C9: variants seen among roughly 807,000 people sequenced by gnomAD.
The protein encoded by C9 is complement component C9.
Under a neutral mutation model 65.4 loss-of-function variants are expected in C9, and 63 were observed. The ratio of observed to expected loss-of-function variants is 0.96; its 90% confidence interval spans 0.79 to 1.19. The LOEUF (loss-of-function observed/expected upper bound fraction) is 1.19. Among genes scored for constraint, C9 ranks in the 50% most tolerant of loss-of-function variants. The probability of loss-of-function intolerance (pLI) is 0.00; values close to 1 mark genes in which losing one functional copy is unlikely to be tolerated. For synonymous variants in C9, 229 were observed against 227.9 expected, an observed-to-expected ratio of 1.00 and a Z score of -0.04; for missense variants, 744 against 670.1, an observed-to-expected ratio of 1.11 and a Z score of -1.22.
chr5:39,331,690 A>T lies in C9; in HGVS notation c.601T>A (p.Ser201Thr). The change falls in exon 5 of 11, where the codon TCT becomes ACT. Residue 201 changes from serine to threonine, a missense_variant. Ser to Thr is a moderately conservative substitution (Grantham distance 58). Coordinates refer to ENST00000263408, the MANE Select transcript of C9 (RefSeq NM_001737.5). ...TYYRRPWNVA[S>T]LIYETKGEKN... ...AGGAGACTTACTTCATAGATCAAAG[A>T]AGCCACGTTCCAAGGTCTTCGGTAG... 1 of 1,614,080 alleles carries T rather than the reference A, an allele frequency of 6.2e-7. No homozygotes were observed. The highest frequency in any genetic ancestry group is 8.5e-7 in the Non-Finnish European group (1 of 1,179,896).
Position 39,356,512 on chromosome 5 carries a change from G to A in C9, c.77+7876C>T, listed in dbSNP as rs375307403. Among the ~76,000 whole-genome samples, 211 of 152,336 alleles carry A rather than the reference G, an allele frequency of 1.4e-3. 10 individuals carry two copies. In the South Asian group the frequency reaches 0.04, roughly 29 times the overall value. On this transcript the variant is annotated intron_variant, in intron 1 of 10. Coordinates refer to ENST00000263408, the MANE Select transcript of C9 (RefSeq NM_001737.5). Reference sequence around the variant, plus strand: ...AAGCACGTCAGTGGGACAGCCTGACGCTTGCCTGGACCTACTTTAAGCTTA... The same window carrying A: ...AAGCACGTCAGTGGGACAGCCTGACACTTGCCTGGACCTACTTTAAGCTTA...
At chr5:39,339,631 C>T (rs2111949042) in intron 4 of C9, among the ~76,000 whole-genome samples, 1 of 150,332 alleles carries the variant, frequency 6.7e-6, no homozygotes, top group Admixed American at 6.6e-5. Context: ...ACAATGGTCT[C>T]CAGATACTGT....
At chr5:39,362,202 A>G (rs982654265) in intron 1 of C9, among the ~76,000 whole-genome samples, 1 of 152,182 alleles carries the variant, frequency 6.6e-6, no homozygotes, top group African/African-American at 2.4e-5. Flanking sequence ...CTAAGTGTCA[A>G]ATAAGACTGG....
intron 7 of C9, among the ~76,000 whole-genome samples, chr5:39,309,191 TAAG>T: frequency 6.6e-6 from 1 of 152,090 alleles, no homozygotes; most frequent in Non-Finnish European, 1.5e-5. Context: ...TCCTCTATTT[TAAG>T]GGTAAACATC....
At chr5:39,355,037 G>C (rs1754391054) in intron 1 of C9, among the ~76,000 whole-genome samples, 1 of 152,130 alleles carries the variant, frequency 6.6e-6, no homozygotes, top group Admixed American at 6.5e-5. Context: ...TGGATTATCT[G>C]TTTTTGTCTA....
At chr5:39,355,401 G>A (rs190288768) in intron 1 of C9, among the ~76,000 whole-genome samples, 1 of 152,114 alleles carries the variant, frequency 6.6e-6, no homozygotes, top group East Asian at 1.9e-4. Context: ...ATAGGACCTC[G>A]TTGACTATGT....
chr5:39,299,682 T>C (rs981807280), intron 9 of C9, among the ~76,000 whole-genome samples: 16 of 152,096 alleles, frequency 1.1e-4, no homozygotes, highest in Admixed American at 2.6e-4. Flanking sequence ...GAGGAGTTGA[T>C]TGAAAATGGA....
In C9 at chr5:39,346,520, C is replaced by G. The variant is rs1754197845; in HGVS notation, c.78-4324G>C. 5.3e-5 allele frequency among the ~76,000 whole-genome samples: 8 copies of G among 152,214 alleles called. No individual in the cohort carries two copies. The South Asian group carries it at 1.7e-3, about 32-fold the overall frequency. ...CCAATAACAGGCTCTGAAATTGAGA[C>G]AATAATTAATAGCCTACCAACCAAA... On this transcript the variant is annotated intron_variant, in intron 1 of 10. Transcript: ENST00000263408.
chr5:39,310,153 T>C (rs1753454482), intron 7 of C9, among the ~76,000 whole-genome samples: 3 of 152,178 alleles, frequency 2.0e-5, no homozygotes. Context: ...ATGTCATGTT[T>C]TGTTATCCAT....
chr5:39,320,363 T>C (rs1319412381), intron 5 of C9, among the ~76,000 whole-genome samples: 1 of 151,990 alleles, frequency 6.6e-6, no homozygotes, highest in African/African-American at 2.4e-5. Context: ...TTAAAGAACA[T>C]AATTAGGGAG....
intron 5 of C9, among the ~76,000 whole-genome samples, chr5:39,320,911 G>T (rs1242189702): frequency 1.3e-5 from 2 of 152,054 alleles, no homozygotes. Context: ...TGCCAATCAA[G>T]AATAGTATAC....
chr5:39,348,967 G>A (rs1230461323), intron 1 of C9, among the ~76,000 whole-genome samples: 4 of 128,214 alleles, frequency 3.1e-5, no homozygotes, highest in East Asian at 2.5e-4. Context: ...TAGGGATTGA[G>A]CAATGAGAAC....
intron 5 of C9, among the ~76,000 whole-genome samples, chr5:39,318,051 G>C (rs1046330296): frequency 3.9e-5 from 6 of 152,034 alleles, no homozygotes; most frequent in Middle Eastern, 6.8e-3. Flanking sequence ...TTCTTGAAGA[G>C]GTCCTTCACT....
intron 4 of C9, among the ~76,000 whole-genome samples, chr5:39,335,571 C>G (rs1368559197): frequency 1.3e-5 from 2 of 152,064 alleles, no homozygotes; most frequent in Non-Finnish European, 2.9e-5. Flanking sequence ...ATAAATAACC[C>G]AGAGATGATT....
chr5:39,361,705 G>T (rs923702158), intron 1 of C9, among the ~76,000 whole-genome samples: 5 of 152,252 alleles, frequency 3.3e-5, no homozygotes, highest in African/African-American at 1.2e-4. Flanking sequence ...CTACTCTCAT[G>T]GTGGTTTTAA....
intron 6 of C9, among the ~76,000 whole-genome samples, chr5:39,312,110 T>G (rs1429219389): frequency 1.3e-5 from 2 of 152,130 alleles, no homozygotes; most frequent in Non-Finnish European, 2.9e-5. Context: ...ATTTTCTTGG[T>G]GTGATGTTCT....
intron 5 of C9, among the ~76,000 whole-genome samples, chr5:39,323,883 A>T (rs1377367418): frequency 1.3e-5 from 2 of 152,078 alleles, no homozygotes; most frequent in African/African-American, 4.8e-5. Context: ...TCTGCAGATG[A>T]TATTCTTTTA....
intron 9 of C9, among the ~76,000 whole-genome samples, chr5:39,295,847 T>C (rs1367294389): frequency 6.6e-6 from 1 of 151,528 alleles, no homozygotes; most frequent in Admixed American, 6.6e-5. Flanking sequence ...CATAAGCAAA[T>C]GGAACAGAAC....
At chr5:39,324,635 C>T (rs1269857637) in intron 5 of C9, among the ~76,000 whole-genome samples, 1 of 152,086 alleles carries the variant, frequency 6.6e-6, no homozygotes, top group Non-Finnish European at 1.5e-5. Context: ...ATGGAGTCAT[C>T]CCAGAAAGCA....
Sources: allele counts gnomAD v4.1 joint callset (sites outside exome capture counted in the v4.1 genomes callset), GRCh38; gene constraint gnomAD v4.1.1; transcripts MANE v1.5; gene names NCBI Gene and HGNC (gene_info 2026-07-23, HGNC 2026-07-21).